SORCS2: variants seen among roughly 807,000 people sequenced by gnomAD.
The protein encoded by SORCS2 is sortilin related VPS10 domain containing receptor 2.
In SORCS2, 100 loss-of-function variants were observed where a neutral mutation model predicts 141.6. That is an observed-to-expected ratio of 0.71 (90% CI 0.60 to 0.83). The LOEUF is 0.83. SORCS2 is among the 40% of genes least tolerant of loss of function. The pLI is 0.00. For synonymous variants in SORCS2, 789 were observed against 676.9 expected, an observed-to-expected ratio of 1.17 and a Z score of -2.57; for missense variants, 1,646 against 1,560.2, an observed-to-expected ratio of 1.05 and a Z score of -0.93.
intron 2 of SORCS2, among the ~76,000 whole-genome samples, chr4:7,472,645 A>G (rs1182085553): frequency 6.6e-6 from 1 of 152,122 alleles, no homozygotes; most frequent in African/African-American, 2.4e-5. Flanking sequence ...TGGGAAGGAC[A>G]CGGGAGGGCA....
In SORCS2 at chr4:7,216,644, C is replaced by T. The variant is rs531184746; in HGVS notation, c.480+23518C>T. Among the ~76,000 whole-genome samples the T allele has an allele frequency of 9.2e-5, 14 of 152,298 alleles. No homozygotes were observed. The South Asian group carries it at 2.3e-3, about 25-fold the overall frequency. On this transcript the variant is annotated intron_variant, in intron 1 of 26. Coordinates refer to ENST00000507866, the MANE Select transcript of SORCS2 (RefSeq NM_020777.3). ...CTCCCATCCCTCCAATCTCTGCCTT[C>T]GCGTCTCCTTCTCTGGCTCTGACCC...
At chr4:7,523,947 C>T (rs1036388031) in intron 2 of SORCS2, among the ~76,000 whole-genome samples, 16 of 152,244 alleles carry the variant, frequency 1.1e-4, no homozygotes, top group African/African-American at 3.9e-4. Context: ...GGGGATGACG[C>T]ACTGGAAGCT....
intron 1 of SORCS2, among the ~76,000 whole-genome samples, chr4:7,252,963 G>GC (rs1713606080): frequency 6.6e-6 from 1 of 152,250 alleles, no homozygotes; most frequent in South Asian, 2.1e-4. Flanking sequence ...TCAGGAAGCT[G>GC]CATGACTGTC....
intron 2 of SORCS2, chr4:7,434,785 A>G: frequency 1.9e-6 from 3 of 1,611,590 alleles, no homozygotes; most frequent in Non-Finnish European, 2.5e-6. Context: ...CTGACACCAC[A>G]CCGTGGAGCC....
rs935851997 is a variant in SORCS2 at position 7,740,882 on chromosome 4, C to A, written c.*618C>A. The A allele has an allele frequency of 2.5e-5, 10 of 396,652 alleles. No individual in the cohort carries two copies. The highest frequency in any genetic ancestry group is 4.4e-5 in the Non-Finnish European group (10 of 225,576). The allele number at this position is 396,652 out of a possible 1,614,324, so 24.6% of individuals were successfully genotyped here. ...GTGTCTCACTCTCTGTCTTTATAGC[C>A]GGCGGTAGCCACCGGGGTGGCTCTG... On this transcript the variant is annotated 3_prime_UTR_variant, in exon 27 of 27. Coordinates refer to ENST00000507866, the MANE Select transcript of SORCS2 (RefSeq NM_020777.3).
At chr4:7,731,814 G>T (rs3944126) in intron 23 of SORCS2, among the ~76,000 whole-genome samples, 19,213 of 152,234 alleles carry the variant, frequency 0.13, 1,286 homozygotes, top group East Asian at 0.18. Context: ...GCTCAGAGTG[G>T]ATTAAAGACA....
At chr4:7,331,830 T>C (rs373294869) in intron 1 of SORCS2, among the ~76,000 whole-genome samples, 29 of 152,136 alleles carry the variant, frequency 1.9e-4, no homozygotes, top group African/African-American at 7.0e-4. Flanking sequence ...GCTGGGAGGA[T>C]GGCAGGCGCC....
In SORCS2 at chr4:7,286,859, C is replaced by CAAGAGGA. The variant is rs545614161; in HGVS notation, c.480+93737_480+93743dup. On this transcript the variant is annotated intron_variant, in intron 1 of 26. Transcript: ENST00000507866. This position sits in a 1 kb window ranked among gnomAD's most constrained non-coding sequence, Gnocchi z 4.1. ...AGGGTACAGGAGCTATGGAAGGTCC[C>CAAGAGGA]AAGAGGAAAGTGTCCTGACGGAGCT... Among the ~76,000 whole-genome samples the CAAGAGGA allele has an allele frequency of 2.0e-3, 297 of 152,256 alleles. 1 individual carries two copies. The highest frequency in any genetic ancestry group is 6.6e-3 in the African/African-American group (273 of 41,548).
chr4:7,206,159 C>G (rs1253447650), intron 1 of SORCS2, among the ~76,000 whole-genome samples: 1 of 152,156 alleles, frequency 6.6e-6, no homozygotes, highest in African/African-American at 2.4e-5. Flanking sequence ...ATGATGCATC[C>G]CTCTGCAGTC....
At chr4:7,500,326 T>C (rs1172215119) in intron 2 of SORCS2, among the ~76,000 whole-genome samples, 1 of 151,956 alleles carries the variant, frequency 6.6e-6, no homozygotes, top group Admixed American at 6.5e-5. Flanking sequence ...ACTCCAGGCA[T>C]GCTCTGTGCC....
At chr4:7,569,018 C>T (rs748428212) in intron 3 of SORCS2, among the ~76,000 whole-genome samples, 1 of 152,212 alleles carries the variant, frequency 6.6e-6, no homozygotes, top group Non-Finnish European at 1.5e-5. Context: ...GCCATCCTAT[C>T]AGGGATCTGT....
chr4:7,393,056 G>A (rs767836089), intron 1 of SORCS2, among the ~76,000 whole-genome samples: 2 of 152,152 alleles, frequency 1.3e-5, no homozygotes, highest in Non-Finnish European at 2.9e-5. Flanking sequence ...CCCCACGGCC[G>A]GGAGGACGGG....
At chr4:7,563,737 A>G (rs1714764733) in intron 3 of SORCS2, among the ~76,000 whole-genome samples, 1 of 152,182 alleles carries the variant, frequency 6.6e-6, no homozygotes, top group Non-Finnish European at 1.5e-5. Context: ...GATGGAGTTT[A>G]TTCCCTCTCT....
intron 1 of SORCS2, among the ~76,000 whole-genome samples, chr4:7,327,339 C>T (rs558677159): frequency 7.9e-5 from 12 of 152,348 alleles, no homozygotes; most frequent in Admixed American, 7.8e-4. Flanking sequence ...GCTTGCACCA[C>T]ATCCCTCCGT....
intron 2 of SORCS2, among the ~76,000 whole-genome samples, chr4:7,504,112 G>A (rs973123169): frequency 6.6e-6 from 1 of 152,232 alleles, no homozygotes; most frequent in African/African-American, 2.4e-5. Context: ...CAGGGGTAGG[G>A]CAGGGGCCTC....
At chr4:7,724,333 A>T (rs1436221263) in intron 19 of SORCS2, among the ~76,000 whole-genome samples, 4 of 98,082 alleles carry the variant, frequency 4.1e-5, no homozygotes, top group South Asian at 7.1e-4. Flanking sequence ...TGATAGGGTG[A>T]TGGTGATGAT....
At chr4:7,673,853 C>A (rs914599771) in intron 8 of SORCS2, among the ~76,000 whole-genome samples, 1 of 152,208 alleles carries the variant, frequency 6.6e-6, no homozygotes. Flanking sequence ...AGTCCCCCCA[C>A]CACCCCTGCA....
At chr4:7,403,804 G>A (rs1287271252) in intron 2 of SORCS2, among the ~76,000 whole-genome samples, 1 of 149,822 alleles carries the variant, frequency 6.7e-6, no homozygotes, top group Non-Finnish European at 1.5e-5. Context: ...TTTGTTACAT[G>A]TGTAGATTGC....
intron 1 of SORCS2, among the ~76,000 whole-genome samples, chr4:7,223,540 G>A (rs1728833993): frequency 6.6e-6 from 1 of 152,128 alleles, no homozygotes; most frequent in African/African-American, 2.4e-5. Context: ...CTTTATCTGT[G>A]TGTCTGGTGG....
Sources: gnomAD v4.1 joint callset for allele counts (sites outside exome capture counted in the v4.1 genomes callset) on GRCh38, gnomAD v4.1.1 for gene constraint, Gnocchi (gnomAD v3.1) non-coding constraint, MANE v1.5 for transcripts, NCBI Gene and HGNC (gene_info 2026-07-23, HGNC 2026-07-21) for gene names.